SLC44A1: variants seen among roughly 807,000 people sequenced by gnomAD.
The protein encoded by SLC44A1 is solute carrier family 44 member 1, also known as choline transporter-like protein 1.
SLC44A1 carries 26 observed loss-of-function variants against 79.3 expected under a neutral mutation model. That is an observed-to-expected ratio of 0.33 (90% CI 0.24 to 0.46). SLC44A1 has a LOEUF of 0.46. Among genes scored for constraint, SLC44A1 ranks in the 20% least tolerant of loss-of-function variants. The pLI is 1.00. For missense variants in SLC44A1, 688 were observed against 798.1 expected (o/e 0.86, Z 1.66); for synonymous variants, 263 against 286.2 (o/e 0.92, Z 0.82).
intron 15 of SLC44A1, among the ~76,000 whole-genome samples, chr9:105,407,859 G>T (rs1369314796): frequency 6.7e-6 from 1 of 149,460 alleles, no homozygotes; most frequent in East Asian, 2.0e-4. Context: ...AACAGACCAA[G>T]ACTCTGTCTC....
intron 4 of SLC44A1, among the ~76,000 whole-genome samples, chr9:105,347,841 G>A (rs1434655741): frequency 6.6e-6 from 1 of 151,912 alleles, no homozygotes; most frequent in East Asian, 1.9e-4. Context: ...TGTGTTATAT[G>A]CATTAATTGT....
intron 4 of SLC44A1, among the ~76,000 whole-genome samples, chr9:105,342,318 A>G (rs1175258322): frequency 6.6e-6 from 1 of 152,194 alleles, no homozygotes; most frequent in Non-Finnish European, 1.5e-5. Flanking sequence ...CCCTTTGTCC[A>G]GCATATCCAC....
intron 1 of SLC44A1, among the ~76,000 whole-genome samples, chr9:105,256,176 TAA>T (rs1243346172): frequency 2.4e-4 from 37 of 151,872 alleles, no homozygotes; most frequent in Non-Finnish European, 1.3e-4. Context: ...CCATGCCTGC[TAA>T]TTTTTGTATT....
rs192715865 is a variant in SLC44A1 at position 105,256,601 on chromosome 9, C to T, written c.36+11697C>T. On this transcript the variant is annotated intron_variant, in intron 1 of 15. Transcript: ENST00000374720. Reference sequence around the variant, plus strand: ...TTTTTGAGACAGGGTCTCTCTCTGTCACCCAGGTTGGAGTGCGGTGGTGAG... The same window carrying T: ...TTTTTGAGACAGGGTCTCTCTCTGTTACCCAGGTTGGAGTGCGGTGGTGAG... Among the ~76,000 whole-genome samples the T allele has an allele frequency of 1.1e-3, 159 of 148,306 alleles. 1 individual carries two copies. Among genetic ancestry groups the T allele is most frequent in the African/African-American group, 3.8e-3 (154 of 40,042 alleles).
intron 9 of SLC44A1, among the ~76,000 whole-genome samples, chr9:105,363,361 C>T (rs1463455533): frequency 1.3e-5 from 2 of 151,820 alleles, no homozygotes; most frequent in Non-Finnish European, 2.9e-5. Flanking sequence ...CAGGGTTTCA[C>T]CATATTGGCC....
intron 4 of SLC44A1, among the ~76,000 whole-genome samples, chr9:105,347,204 T>C (rs80242696): frequency 0.038 from 5,725 of 152,148 alleles, 359 homozygotes; most frequent in African/African-American, 0.13. Context: ...CAGTCTGCTG[T>C]TCACATTATA....
At chr9:105,261,842 C>A (rs1034251678) in intron 1 of SLC44A1, among the ~76,000 whole-genome samples, 1 of 147,206 alleles carries the variant, frequency 6.8e-6, no homozygotes, top group Non-Finnish European at 1.5e-5. Context: ...TGCAATGGCA[C>A]GATCTCGGCT....
intron 2 of SLC44A1, chr9:105,299,712 C>G: frequency 1.1e-6 from 1 of 875,910 alleles, no homozygotes; most frequent in Non-Finnish European, 1.4e-6. Context: ...GCTGGTTGCT[C>G]ACTGCTCCTT....
chr9:105,306,775 A>T (rs1194504467), intron 2 of SLC44A1, among the ~76,000 whole-genome samples: 3 of 152,082 alleles, frequency 2.0e-5, no homozygotes, highest in Non-Finnish European at 4.4e-5. Flanking sequence ...ATAGTCAGAA[A>T]AGGAAATCAG....
At chr9:105,420,247 T>C (rs1244181127) in intron 15 of SLC44A1, among the ~76,000 whole-genome samples, 1 of 152,192 alleles carries the variant, frequency 6.6e-6, no homozygotes, top group Admixed American at 6.5e-5. Context: ...AGAGGCCAAA[T>C]GTCCTATTTT....
rs1017435811 is a variant in SLC44A1 at position 105,393,473 on chromosome 9, G to A, written c.*4417G>A. ...TTTTCCATTCAGATTTCATACATTTGAGCCAAATTCTTATACTCCATGTTT... is the reference window on the plus strand; with the variant it reads ...TTTTCCATTCAGATTTCATACATTTAAGCCAAATTCTTATACTCCATGTTT... On this transcript the variant is annotated 3_prime_UTR_variant, in exon 16 of 16. Coordinates refer to ENST00000374720, the MANE Select transcript of SLC44A1 (RefSeq NM_080546.5). 1 of 973,198 alleles carries A rather than the reference G, an allele frequency of 1.0e-6. No individual in the cohort carries two copies. The highest frequency in any genetic ancestry group is 1.8e-5 in the African/African-American group (1 of 56,934). The allele number at this position is 973,198 out of a possible 1,614,324, so 60.3% of individuals were successfully genotyped here. A position where few individuals can be genotyped will look rare whatever the true frequency, so the allele number is the denominator to read the frequency against.
chr9:105,267,513 A>G (rs1456914925), intron 1 of SLC44A1, among the ~76,000 whole-genome samples: 2 of 151,910 alleles, frequency 1.3e-5, no homozygotes, highest in East Asian at 1.9e-4. Flanking sequence ...TCTTTTCTCC[A>G]CAATGCAATA....
chr9:105,375,336 G>A lies in SLC44A1; in HGVS notation c.1632+601G>A, dbSNP rs151099865. On this transcript the variant is annotated intron_variant, in intron 13 of 15. Transcript: ENST00000374720. ...ATTACAGGCATGAGCCACTGCACCC[G>A]GCCCTCTTTACGTGTTTTGAACTGT... Among the ~76,000 whole-genome samples, 29 of 152,266 alleles carry A rather than the reference G, an allele frequency of 1.9e-4. No individual in the cohort carries two copies. In the East Asian group the frequency reaches 2.7e-3, roughly 14 times the overall value.
At chr9:105,351,558 G>GAAAGAA (rs1564452492) in intron 5 of SLC44A1, among the ~76,000 whole-genome samples, 4 of 111,996 alleles carry the variant, frequency 3.6e-5, no homozygotes, top group African/African-American at 1.8e-4. Context: ...GAAAGAAAGA[G>GAAAGAA]AGAAAGAGAG....
At chr9:105,286,208 T>C (rs1054920045) in intron 1 of SLC44A1, among the ~76,000 whole-genome samples, 1 of 152,206 alleles carries the variant, frequency 6.6e-6, no homozygotes, top group African/African-American at 2.4e-5. Flanking sequence ...TTTTTCCACA[T>C]AGTTCATTCC....
chr9:105,247,587 G>A (rs1484790033), intron 1 of SLC44A1, among the ~76,000 whole-genome samples: 1 of 152,114 alleles, frequency 6.6e-6, no homozygotes, highest in African/African-American at 2.4e-5. Flanking sequence ...ATGAGCCACC[G>A]CTCCCTATCA....
chr9:105,368,033 A>G (rs1246089933), intron 12 of SLC44A1, among the ~76,000 whole-genome samples: 4 of 152,198 alleles, frequency 2.6e-5, no homozygotes, highest in Admixed American at 6.5e-5. Flanking sequence ...GGGTGATACA[A>G]AACTATAAAA....
intron 1 of SLC44A1, among the ~76,000 whole-genome samples, chr9:105,249,185 A>G (rs770446224): frequency 6.6e-6 from 1 of 152,266 alleles, no homozygotes; most frequent in African/African-American, 2.4e-5. Context: ...ATAAAAAACA[A>G]TCAGAAGTGG....
At chr9:105,250,472 C>T (rs545372683) in intron 1 of SLC44A1, among the ~76,000 whole-genome samples, 1 of 152,282 alleles carries the variant, frequency 6.6e-6, no homozygotes, top group South Asian at 2.1e-4. Context: ...TTTTTCTATG[C>T]TCCCCTTTCC....
Sources: gnomAD v4.1 joint callset for allele counts (sites outside exome capture counted in the v4.1 genomes callset) on GRCh38, gnomAD v4.1.1 for gene constraint, MANE v1.5 for transcripts, NCBI Gene and HGNC (gene_info 2026-07-23, HGNC 2026-07-21) for gene names.